C1QTNF7: variants seen among roughly 807,000 people sequenced by gnomAD.
C1QTNF7 encodes C1q and TNF related 7.
A neutral mutation model predicts 19.6 loss-of-function variants in C1QTNF7; 15 were observed. That is an observed-to-expected ratio of 0.76 (90% CI 0.51 to 1.18). The LOEUF is 1.18. C1QTNF7 is among the 50% of genes most tolerant of loss of function. The pLI, the probability that C1QTNF7 is intolerant of heterozygous loss-of-function variation, is 0.00. For missense variants in C1QTNF7, 324 were observed against 359.7 expected (o/e 0.90, Z 0.80); for synonymous variants, 142 against 137.5 (o/e 1.03, Z -0.23).
intron 1 of C1QTNF7, among the ~76,000 whole-genome samples, chr4:15,376,731 C>G (rs962621576): frequency 6.6e-6 from 1 of 152,126 alleles, no homozygotes; most frequent in East Asian, 1.9e-4. Flanking sequence ...GCCTCCTGCC[C>G]TTTTGTTGTT....
intron 1 of C1QTNF7, among the ~76,000 whole-genome samples, chr4:15,364,917 T>C (rs903637250): frequency 6.6e-6 from 1 of 152,108 alleles, no homozygotes; most frequent in African/African-American, 2.4e-5. Flanking sequence ...AATAATCTCT[T>C]TTTTTGTGAG....
chr4:15,355,524 T>C (rs1306835665), intron 1 of C1QTNF7, among the ~76,000 whole-genome samples: 1 of 151,902 alleles, frequency 6.6e-6, no homozygotes, highest in East Asian at 1.9e-4. Flanking sequence ...ACTGGAGAGG[T>C]GGCTCAGACC....
intron 1 of C1QTNF7, among the ~76,000 whole-genome samples, chr4:15,395,378 C>T (rs1045008406): frequency 1.3e-5 from 2 of 152,154 alleles, no homozygotes; most frequent in Admixed American, 1.3e-4. Flanking sequence ...CTTGGGCAAG[C>T]CCCCTTGCTT....
At chr4:15,389,562 G>T (rs2108898003) in intron 1 of C1QTNF7, among the ~76,000 whole-genome samples, 1 of 152,280 alleles carries the variant, frequency 6.6e-6, no homozygotes, top group Non-Finnish European at 1.5e-5. Context: ...TGGGATTACA[G>T]GTGCACACCA....
intron 1 of C1QTNF7, among the ~76,000 whole-genome samples, chr4:15,404,083 C>G (rs1719095506): frequency 6.6e-6 from 1 of 151,932 alleles, no homozygotes; most frequent in Non-Finnish European, 1.5e-5. Context: ...ATGGATTCAC[C>G]TTAGTTTATT....
chr4:15,394,286 G>A (rs1291971228), intron 1 of C1QTNF7, among the ~76,000 whole-genome samples: 1 of 152,238 alleles, frequency 6.6e-6, no homozygotes, highest in East Asian at 1.9e-4. Context: ...GGCTTTGCCA[G>A]CCTTCTACAT....
chr4:15,434,582 C>T (rs925513543), intron 1 of C1QTNF7, among the ~76,000 whole-genome samples: 4 of 152,176 alleles, frequency 2.6e-5, no homozygotes, highest in Non-Finnish European at 5.9e-5. Context: ...CCCAGAACCA[C>T]CTGTATATGT....
At chr4:15,342,251 T>C (rs1384185112) in intron 1 of C1QTNF7, among the ~76,000 whole-genome samples, 1 of 152,050 alleles carries the variant, frequency 6.6e-6, no homozygotes, top group Non-Finnish European at 1.5e-5. Flanking sequence ...ACCAATGAAC[T>C]GCCGGGAGTG....
upstream of C1QTNF7, among the ~76,000 whole-genome samples, chr4:15,424,140 A>AT (rs1266254163): frequency 3.9e-5 from 6 of 152,260 alleles, no homozygotes; most frequent in South Asian, 6.2e-4. Flanking sequence ...TACATGAACA[A>AT]TTTTATTAGT....
intron 1 of C1QTNF7, among the ~76,000 whole-genome samples, chr4:15,362,750 C>T (rs900876478): frequency 2.6e-5 from 4 of 152,296 alleles, no homozygotes; most frequent in Admixed American, 6.5e-5. Context: ...CTACACCACA[C>T]GTTGGTGCCA....
Position 15,352,993 on chromosome 4 carries a change from A to G in C1QTNF7, c.13+12786A>G, listed in dbSNP as rs191800882. ...GGGCTGCTTTGATTTCTGGAATATTAGCTTAGAAAAGAATGACATCTAATA... is the reference window on the plus strand; with the variant it reads ...GGGCTGCTTTGATTTCTGGAATATTGGCTTAGAAAAGAATGACATCTAATA... On this transcript the variant is annotated intron_variant, in intron 1 of 2. Transcript: ENST00000295297. Among the ~76,000 whole-genome samples, 4 of 152,306 alleles carry G rather than the reference A, an allele frequency of 2.6e-5. No individual in the cohort carries two copies. The East Asian group carries it at 7.7e-4, about 29-fold the overall frequency.
chr4:15,340,637 AAT>A (rs1258267192), intron 1 of C1QTNF7, among the ~76,000 whole-genome samples: 2 of 152,210 alleles, frequency 1.3e-5, no homozygotes, highest in Admixed American at 6.5e-5. Context: ...GGAAGATTTT[AAT>A]ATCTTTCCAA....
chr4:15,442,085 G>GA, intron 2 of C1QTNF7, 83 bp from the exon 3 acceptor site: 2 of 1,450,736 alleles, frequency 1.4e-6, no homozygotes, highest in Non-Finnish European at 1.9e-6. Context: ...ACAAAGTTGG[G>GA]ATGTGCTGGG....
intron 1 of C1QTNF7, among the ~76,000 whole-genome samples, chr4:15,403,153 G>A (rs192996379): frequency 0.01 from 1,523 of 152,192 alleles, 17 homozygotes; most frequent in Middle Eastern, 0.02. Context: ...AAAATACTAT[G>A]CAAGCCCAGC....
intron 1 of C1QTNF7, among the ~76,000 whole-genome samples, chr4:15,397,893 A>G (rs913497757): frequency 6.6e-6 from 1 of 152,298 alleles, no homozygotes; most frequent in Non-Finnish European, 1.5e-5. Context: ...TTCTACTTCC[A>G]AGAATCCCCA....
intron 1 of C1QTNF7, among the ~76,000 whole-genome samples, chr4:15,391,229 G>T (rs967753977): frequency 2.0e-5 from 3 of 151,208 alleles, no homozygotes; most frequent in African/African-American, 7.3e-5. Context: ...GCAACTCCAG[G>T]TCTACACCCT....
intron 1 of C1QTNF7, among the ~76,000 whole-genome samples, chr4:15,385,798 C>T (rs960557715): frequency 2.0e-5 from 3 of 152,186 alleles, no homozygotes; most frequent in African/African-American, 4.8e-5. Flanking sequence ...TCAACAAGAG[C>T]GGGCTCGCTT....
At chr4:15,374,978 C>T (rs1232310640) in intron 1 of C1QTNF7, among the ~76,000 whole-genome samples, 1 of 151,742 alleles carries the variant, frequency 6.6e-6, no homozygotes, top group Non-Finnish European at 1.5e-5. Flanking sequence ...CGAAAGTCGT[C>T]AGAATCGGCT....
Position 15,435,819 on chromosome 4 carries a change from G to C in C1QTNF7, c.76G>C (p.Glu26Gln), listed in dbSNP as rs144739039. ...GQPRGNQLKG[E>Q]NYSPRYICSI... ...ACCCCGGGGTAATCAGTTGAAAGGA[G>C]AGAACTACTCCCCCAGGTATATCTG... Residue 26 changes from glutamate (E) to glutamine (Q), a missense_variant, in exon 2 of 3, where the codon GAG (glutamate) becomes CAG (glutamine). By Grantham distance (29) the Glu-to-Gln change is conservative. Transcript: ENST00000444304. 2.7e-5 allele frequency: 44 copies of C among 1,613,998 alleles called. No individual in the cohort carries two copies. The highest frequency in any genetic ancestry group is 3.6e-5 in the Non-Finnish European group (42 of 1,180,038).
Sources: allele counts gnomAD v4.1 joint callset (sites outside exome capture counted in the v4.1 genomes callset), GRCh38; gene constraint gnomAD v4.1.1; transcripts MANE v1.5; gene names NCBI Gene and HGNC (gene_info 2026-07-23, HGNC 2026-07-21).